Variants in RANBP2 observed in about 807,000 individuals in gnomAD.
The protein encoded by RANBP2 is E3 SUMO-protein ligase RanBP2.
Under a neutral mutation model 303.6 loss-of-function variants are expected in RANBP2, and 57 were observed. That is an observed-to-expected ratio of 0.19 (90% CI 0.15 to 0.23). The LOEUF (loss-of-function observed/expected upper bound fraction) is 0.23. RANBP2 is among the 10% of genes least tolerant of loss of function. RANBP2 has a pLI of 1.00. For missense variants in RANBP2, 3,138 were observed against 3,780.8 expected, an observed-to-expected ratio of 0.83 and a Z score of 4.46; for synonymous variants, 1,167 against 1,301.5, an observed-to-expected ratio of 0.90 and a Z score of 2.23.
chr2:108,808,958 T>C, the RANBP2 span, among the ~76,000 whole-genome samples: 4 of 152,248 alleles, frequency 2.6e-5, no homozygotes, highest in African/African-American at 9.6e-5. Flanking sequence ...GGGTCTTATA[T>C]TTCAAAGTCT....
At chr2:109,571,757 A>G in the RANBP2 span, among the ~76,000 whole-genome samples, 1 of 152,200 alleles carries the variant, frequency 6.6e-6, no homozygotes, top group African/African-American at 2.4e-5. Context: ...GGAAGCATCT[A>G]GAACTAGTTG....
the RANBP2 span, chr2:109,542,864 CTAA>C: frequency 1.3e-5 from 2 of 152,390 alleles, no homozygotes; most frequent in Non-Finnish European, 2.9e-5. Flanking sequence ...CTGACACAGA[CTAA>C]TAAGTTTCAT....
the RANBP2 span, chr2:108,805,123 A>G: frequency 2.0e-5 from 9 of 452,658 alleles, no homozygotes; most frequent in Non-Finnish European, 3.0e-5. Context: ...TTTGGATTAC[A>G]TTTGTTAGCT....
chr2:109,085,018 C>T, the RANBP2 span, among the ~76,000 whole-genome samples: 1 of 152,184 alleles, frequency 6.6e-6, no homozygotes, highest in Non-Finnish European at 1.5e-5. Context: ...CAGTTGCTCT[C>T]ACTGCGGGGG....
the RANBP2 span, among the ~76,000 whole-genome samples, chr2:109,209,346 AAACGTTT>A: frequency 6.6e-6 from 1 of 152,166 alleles, no homozygotes; most frequent in Admixed American, 6.5e-5. Flanking sequence ...GTGTGCTGGC[AAACGTTT>A]AACAGTTGGC....
the RANBP2 span, among the ~76,000 whole-genome samples, chr2:109,253,255 G>T: frequency 6.6e-6 from 1 of 152,172 alleles, no homozygotes; most frequent in African/African-American, 2.4e-5. Flanking sequence ...CTGACCTGAA[G>T]TGATCCGCCT....
the RANBP2 span, among the ~76,000 whole-genome samples, chr2:109,458,056 G>T: frequency 3.3e-5 from 5 of 152,202 alleles, no homozygotes; most frequent in Non-Finnish European, 7.3e-5. Flanking sequence ...GCCATGTGGT[G>T]CAGGAGCCGG....
At chr2:109,534,498 G>A in the RANBP2 span, among the ~76,000 whole-genome samples, 11 of 152,176 alleles carry the variant, frequency 7.2e-5, no homozygotes, top group East Asian at 5.8e-4. Flanking sequence ...GTTTAGGAAC[G>A]GCTGGACACC....
At chr2:109,170,293 TCTTCTCTTCTCTTCTCTTCTCTC>T in the RANBP2 span, among the ~76,000 whole-genome samples, 57 of 132,882 alleles carry the variant, frequency 4.3e-4, no homozygotes, top group African/African-American at 1.2e-3. Context: ...TCTTCTCTTC[TCTTCTCTTCTCTTCTCTTCTCTC>T]CTCTCTCTCT....
chr2:109,271,937 T>A, the RANBP2 span, among the ~76,000 whole-genome samples: 1 of 152,242 alleles, frequency 6.6e-6, no homozygotes, highest in Non-Finnish European at 1.5e-5. Context: ...TGGATCCTCC[T>A]TTGTGTGTGT....
the RANBP2 span, among the ~76,000 whole-genome samples, chr2:108,797,778 A>C: frequency 6.6e-6 from 1 of 152,202 alleles, no homozygotes; most frequent in South Asian, 2.1e-4. Flanking sequence ...ATTCACAAAG[A>C]GTGGAATATA....
At chr2:109,679,814 G>A in the RANBP2 span, among the ~76,000 whole-genome samples, 25 of 152,112 alleles carry the variant, frequency 1.6e-4, no homozygotes, top group Admixed American at 3.3e-4. Flanking sequence ...ACTTAACACA[G>A]TTTACAAAGC....
Position 108,766,852 on chromosome 2 carries a change from T to C in RANBP2, c.6313T>C (p.Trp2105Arg). ...GCCTCTCTCTGGATCAGATAGAGCA[T>C]GGATGTGGTTAGCCAGTGATTTCTC... ...LKPLSGSDRAWMWLASDFSDG... is the reference protein window; with the variant it reads ...LKPLSGSDRARMWLASDFSDG... The change falls in exon 20 of 29, where the codon TGG (tryptophan) becomes CGG (arginine). Residue 2105 changes from tryptophan (W) to arginine (R), a missense_variant. Coordinates refer to ENST00000283195, the MANE Select transcript of RANBP2 (RefSeq NM_006267.5). The C allele has an allele frequency of 6.2e-7, 1 of 1,611,710 alleles. No homozygotes were observed. The highest frequency in any genetic ancestry group is 8.5e-7 in the Non-Finnish European group (1 of 1,179,860).
chr2:108,791,723 A>C, the RANBP2 span: 4 of 1,606,774 alleles, frequency 2.5e-6, no homozygotes, highest in African/African-American at 1.3e-5. Flanking sequence ...AACAGGAAAC[A>C]GAAGAAGAGT....
At chr2:108,982,892 C>A in the RANBP2 span, among the ~76,000 whole-genome samples, 4 of 152,128 alleles carry the variant, frequency 2.6e-5, no homozygotes, top group Admixed American at 1.3e-4. Context: ...GACTGGCCAC[C>A]CAGACAGGCC....
At chr2:109,659,191 A>T in the RANBP2 span, among the ~76,000 whole-genome samples, 1 of 152,162 alleles carries the variant, frequency 6.6e-6, no homozygotes, top group African/African-American at 2.4e-5. Flanking sequence ...AGCATGGCCA[A>T]CACGGCGAAA....
At chr2:109,093,162 A>G in the RANBP2 span, among the ~76,000 whole-genome samples, 2 of 152,220 alleles carry the variant, frequency 1.3e-5, no homozygotes, top group African/African-American at 4.8e-5. Context: ...TGGCTGCCCT[A>G]GACTTCTTCT....
At chr2:108,786,666 G>A (rs1400189966), downstream of RANBP2, 2 of 660,314 alleles carry the variant, frequency 3.0e-6, no homozygotes, top group Non-Finnish European at 5.4e-6. Flanking sequence ...TGACAAGCCG[G>A]GCTGCAGTCT....
At chr2:109,247,451 C>T in the RANBP2 span, among the ~76,000 whole-genome samples, 1 of 152,210 alleles carries the variant, frequency 6.6e-6, no homozygotes, top group Non-Finnish European at 1.5e-5. Context: ...CCTGACCGTT[C>T]CTCTGAGGAC....
Sources: allele counts gnomAD v4.1 joint callset (sites outside exome capture counted in the v4.1 genomes callset), GRCh38; gene constraint gnomAD v4.1.1; transcripts MANE v1.5; gene names NCBI Gene and HGNC (gene_info 2026-07-23, HGNC 2026-07-21).